Variants in INTS13 observed in about 807,000 individuals in gnomAD.
INTS13 encodes asunder, spermatogenesis regulator homolog (Drosphila).
In INTS13, 35 loss-of-function variants were observed where a neutral mutation model predicts 90.2. The ratio of observed to expected loss-of-function variants is 0.39; its 90% CI spans 0.30 to 0.51. The LOEUF (loss-of-function observed/expected upper bound fraction) is 0.51, where lower values mean the gene tolerates loss of function less well. Among genes scored for constraint, INTS13 ranks in the 20% least tolerant of loss-of-function variants. The probability of loss-of-function intolerance (pLI) is 0.80; values close to 1 mark genes in which losing one functional copy is unlikely to be tolerated. For synonymous variants in INTS13, 309 were observed against 277.1 expected (o/e 1.11, Z -1.14); for missense variants, 601 against 851.2 (o/e 0.71, Z 3.66).
chr12:26,936,536 G>T, intron 2 of INTS13, 43 bp downstream of exon 2: 1 of 1,421,440 alleles, frequency 7.0e-7, no homozygotes, highest in Non-Finnish European at 9.9e-7. Flanking sequence ...ATGCAGTTAA[G>T]TACATCCCCA....
rs879225576 is a variant in INTS13, at chr12:26,928,569, G to T, written c.503+134C>A. 47 of 775,786 alleles carry T rather than the reference G, an allele frequency of 6.1e-5. 1 individual carries two copies. The highest frequency in any genetic ancestry group is 7.5e-5 in the Non-Finnish European group (39 of 521,308). 48.1% of individuals were successfully genotyped at this position (775,786 alleles called of 1,614,324 possible). ...TATTAAAAGGCAAAAAAAAAAAAAA[G>T]AAAAAAATCAGAAAGGCCACTTGTA... On this transcript the variant is annotated intron_variant, in intron 4 of 16. Transcript: ENST00000261191.
intron 3 of INTS13, among the ~76,000 whole-genome samples, chr12:26,932,266 T>C (rs925613121): frequency 1.3e-5 from 2 of 152,072 alleles, no homozygotes; most frequent in African/African-American, 2.4e-5. Flanking sequence ...TAAGTGCCCA[T>C]GGAAACTAAA....
chr12:26,938,173 C>G (rs926409587), upstream of INTS13: 1 of 152,726 alleles, frequency 6.5e-6, no homozygotes, highest in Non-Finnish European at 1.5e-5. Context: ...GCTAATTTTC[C>G]CAGTCACCCA....
At chr12:26,908,900 G>C (rs1038569037) in intron 15 of INTS13, among the ~76,000 whole-genome samples, 1 of 152,096 alleles carries the variant, frequency 6.6e-6, no homozygotes, top group Non-Finnish European at 1.5e-5. Context: ...AAAAACATCA[G>C]GGATCCATTT....
Position 26,911,191 on chromosome 12 carries a change from C to A in INTS13, c.1932G>T (p.Val644=). The part of the protein sequence containing the change: ...PLVEMDETPQ[V]EKSKGPVSLL... ...GCTGTACCTTACCTTTTGATTTTTCCACTTGTGGAGTTTCATCCATTTCAA... is the reference window on the plus strand; with the variant it reads ...GCTGTACCTTACCTTTTGATTTTTCAACTTGTGGAGTTTCATCCATTTCAA... Residue 644 remains valine, a synonymous_variant, in exon 15 of 17, where the codon GTG becomes GTT. Coordinates refer to ENST00000261191, the MANE Select transcript of INTS13 (RefSeq NM_018164.3). 6.2e-7 allele frequency: 1 copy of A among 1,612,258 alleles called. No individual in the cohort carries two copies. The highest frequency in any genetic ancestry group is 8.5e-7 in the Non-Finnish European group (1 of 1,179,504).
Position 26,913,509 on chromosome 12 carries a change from C to G in INTS13, c.1753G>C (p.Glu585Gln). ...TGTTCATAATCTTTCACTGCTTTCT[C>G]TGACTTGTCCTCTTTGTCTTCCCTC... ...RKREDKEDKS[E>Q]KAVKDYEQEK... is the part of the protein sequence containing the mutation. Residue 585 changes from glutamate to glutamine, a missense_variant, in exon 14 of 17, where the codon GAG becomes CAG. By Grantham distance (29) the Glu-to-Gln change is conservative. This residue lies in a region of INTS13 where 228 missense variants were observed against 272.5 expected (regional missense o/e 0.84). Coordinates refer to ENST00000261191, the MANE Select transcript of INTS13 (RefSeq NM_018164.3). 1 of 1,614,136 alleles carries G rather than the reference C, an allele frequency of 6.2e-7. No homozygotes were observed. The highest frequency in any genetic ancestry group is 1.1e-5 in the South Asian group (1 of 91,076).
intron 2 of INTS13, among the ~76,000 whole-genome samples, chr12:26,935,768 A>T (rs1049632212): frequency 1.3e-5 from 2 of 152,260 alleles, no homozygotes; most frequent in African/African-American, 4.8e-5. Context: ...AATGTATAAT[A>T]TCAGACTATG....
chr12:26,914,220 A>G (rs1004083579), intron 12 of INTS13, 92 bp from the exon 13 acceptor site: 18 of 1,278,924 alleles, frequency 1.4e-5, no homozygotes, highest in Non-Finnish European at 1.9e-5. Flanking sequence ...AAAGGATTTT[A>G]AAGATTATCA....
intron 3 of INTS13, among the ~76,000 whole-genome samples, chr12:26,929,837 A>G (rs969315269): frequency 1.3e-5 from 2 of 150,216 alleles, no homozygotes; most frequent in African/African-American, 2.5e-5. Flanking sequence ...AGGAAGGAAG[A>G]GAGAGAGAGA....
chr12:26,932,402 G>A (rs144171011), intron 3 of INTS13, among the ~76,000 whole-genome samples: 62 of 152,296 alleles, frequency 4.1e-4, no homozygotes, highest in Middle Eastern at 3.4e-3. Flanking sequence ...CTTGAAGTCA[G>A]TTTAAGGAAC....
chr12:26,918,941 G>T (rs1952023904), intron 8 of INTS13: 1 of 203,830 alleles, frequency 4.9e-6, no homozygotes. Flanking sequence ...GTCCTAAGTG[G>T]GAGGATTGCT....
At position 26,936,807 on chromosome 12, in the gene INTS13, G is replaced by C. The variant is rs566450018; in HGVS notation, c.-4C>G. The C allele has an allele frequency of 6.2e-7, 1 of 1,604,996 alleles. No homozygotes were observed. Among genetic ancestry groups the C allele is most frequent in the Non-Finnish European group, 8.5e-7 (1 of 1,172,302 alleles). ...GAGATTCAGAAAAAATCTTCATTTTGTTTTAACCTGTAAGGGGAAAAACAT... is the reference window on the plus strand; with the variant it reads ...GAGATTCAGAAAAAATCTTCATTTTCTTTTAACCTGTAAGGGGAAAAACAT... On this transcript the variant is annotated 5_prime_UTR_variant, in exon 2 of 17. Transcript: ENST00000261191.
intron 11 of INTS13, among the ~76,000 whole-genome samples, chr12:26,914,983 T>C (rs1347115823): frequency 6.6e-6 from 1 of 152,146 alleles, no homozygotes; most frequent in African/African-American, 2.4e-5. Context: ...TCCCAACACT[T>C]CAGGAGGCCA....
At chr12:26,931,659 G>A (rs1460033254) in intron 3 of INTS13, among the ~76,000 whole-genome samples, 1 of 152,050 alleles carries the variant, frequency 6.6e-6, no homozygotes, top group African/African-American at 2.4e-5. Flanking sequence ...ACTAAATGAT[G>A]GCAAAGAACA....
intron 16 of INTS13, 53 bp downstream of exon 16, chr12:26,906,249 A>G: frequency 6.8e-7 from 1 of 1,470,798 alleles, no homozygotes; most frequent in Non-Finnish European, 9.2e-7. Flanking sequence ...ATGATTGTTA[A>G]GGTACTATAC....
rs181300239 is a variant in INTS13, at chr12:26,905,247, A to G, written c.*250T>C. On this transcript the variant is annotated 3_prime_UTR_variant, in exon 17 of 17. Transcript: ENST00000261191. ...GAAGCCTAAGAATTTTTTTAAAAACATTTCCAGAGAGAACACTTTATACCA... is the reference window on the plus strand; with the variant it reads ...GAAGCCTAAGAATTTTTTTAAAAACGTTTCCAGAGAGAACACTTTATACCA... 4.5e-4 allele frequency: 159 copies of G among 351,390 alleles called. 1 individual carries two copies. Among genetic ancestry groups the G allele is most frequent in the African/African-American group, 2.9e-3 (139 of 47,254 alleles). 21.8% of individuals were successfully genotyped at this position (351,390 alleles called of 1,614,324 possible). A position where few individuals can be genotyped will look rare whatever the true frequency, so the allele number is the denominator to read the frequency against.
rs367809569 is a variant in INTS13, at chr12:26,937,819, AAACG to A, written c.-39_-36del. The A allele has an allele frequency of 9.1e-3, 1,398 of 152,908 alleles. 10 individuals are homozygous for A. Among genetic ancestry groups the A allele is most frequent in the Middle Eastern group, 0.017 (5 of 298 alleles). 9.5% of individuals were successfully genotyped at this position (152,908 alleles called of 1,614,324 possible). On this transcript the variant is annotated 5_prime_UTR_variant, in exon 1 of 17. Transcript: ENST00000261191. ...ACTTTCGTGCCTGGTCCTGCAGTGA[AAACG>A]AACAGAGGCTATGGACCACAGCCTC... is the stretch of plus-strand genomic sequence containing the variant.
At chr12:26,920,492 G>A (rs1033559506) in intron 8 of INTS13, among the ~76,000 whole-genome samples, 12 of 151,432 alleles carry the variant, frequency 7.9e-5, no homozygotes, top group South Asian at 2.1e-4. Context: ...TCTGCCTCCC[G>A]GGTTCAAGCG....
intron 8 of INTS13, among the ~76,000 whole-genome samples, chr12:26,920,356 CAACTATTTTAAAG>C (rs1397088234): frequency 6.6e-6 from 1 of 151,820 alleles, no homozygotes; most frequent in East Asian, 1.9e-4. Context: ...GCCAAGTCAA[CAACTATTTTAAAG>C]AACTATTTTG....
Sources: gnomAD v4.1 joint callset for allele counts (sites outside exome capture counted in the v4.1 genomes callset) on GRCh38, gnomAD v4.1.1 for gene constraint, gnomAD v4.1.1 regional missense constraint, MANE v1.5 for transcripts, NCBI Gene and HGNC (gene_info 2026-07-23, HGNC 2026-07-21) for gene names.